CBLB: variants seen among roughly 807,000 people sequenced by gnomAD.
CBLB encodes E3 ubiquitin-protein ligase CBL-B.
In CBLB, 31 loss-of-function variants were observed where a neutral mutation model predicts 104.9. That is an observed-to-expected ratio of 0.30 (90% CI 0.22 to 0.40). The LOEUF (loss-of-function observed/expected upper bound fraction) is 0.40, where lower values mean the gene tolerates loss of function less well. CBLB is among the 10% of genes least tolerant of loss of function. The probability of loss-of-function intolerance (pLI) is 1.00; values close to 1 mark genes in which losing one functional copy is unlikely to be tolerated. For synonymous variants in CBLB, 440 were observed against 422.6 expected, an observed-to-expected ratio of 1.04 and a Z score of -0.51; for missense variants, 1,062 against 1,214.6, an observed-to-expected ratio of 0.87 and a Z score of 1.87.
rs949632102 is a variant in CBLB at position 105,768,518 on chromosome 3, G to A, written c.566+7878C>T. ...TAAATGTCTACAATGTATATGGTAC[G>A]TAAAAGACTCATTCAACAACCATTT... On this transcript the variant is annotated intron_variant, in intron 4 of 18. Coordinates refer to ENST00000394030, the MANE Select transcript of CBLB (RefSeq NM_170662.5). 7.9e-5 allele frequency among the ~76,000 whole-genome samples: 12 copies of A among 152,252 alleles called. No homozygotes were observed. The South Asian group carries it at 8.3e-4, about 11-fold the overall frequency.
intron 5 of CBLB, among the ~76,000 whole-genome samples, chr3:105,747,641 A>G (rs565113416): frequency 2.6e-4 from 40 of 152,342 alleles, no homozygotes; most frequent in African/African-American, 9.1e-4. Flanking sequence ...TGCATTAAAC[A>G]TTACTTGGAA....
chr3:105,655,852 G>A lies in CBLB; in HGVS notation c.*3118C>T, dbSNP rs1169717710. On this transcript the variant is annotated 3_prime_UTR_variant, in exon 19 of 19. Coordinates refer to ENST00000394030, the MANE Select transcript of CBLB (RefSeq NM_170662.5). ...AAATCTGAGAGAAAAAATAACGTTCGAACTGTAGGAAATGCTTCTGGAACT... is the reference window on the plus strand; with the variant it reads ...AAATCTGAGAGAAAAAATAACGTTCAAACTGTAGGAAATGCTTCTGGAACT... The A allele has an allele frequency of 9.1e-6, 2 of 220,664 alleles. No individual in the cohort carries two copies. Among genetic ancestry groups the A allele is most frequent in the East Asian group, 6.6e-5 (1 of 15,038 alleles). The allele number at this position is 220,664 out of a possible 1,614,324, so 13.7% of individuals were successfully genotyped here.
chr3:105,733,913 A>T, intron 9 of CBLB, 96 bp downstream of exon 9: 1 of 1,127,074 alleles, frequency 8.9e-7, no homozygotes, highest in South Asian at 1.3e-5. Flanking sequence ...CAAACAAAGC[A>T]CTTACCAGCA....
rs72997644 is a variant in CBLB at position 105,833,242 on chromosome 3, T to C, written c.419+20172A>G. On this transcript the variant is annotated intron_variant, in intron 3 of 18. Coordinates refer to ENST00000394030, the MANE Select transcript of CBLB (RefSeq NM_170662.5). Reference sequence around the variant, plus strand: ...TCCATTCATTCTGATCATATAATCTTGAATAATGAGAATGAATTTGAAGAC... The same window carrying C: ...TCCATTCATTCTGATCATATAATCTCGAATAATGAGAATGAATTTGAAGAC... 6.0e-3 allele frequency among the ~76,000 whole-genome samples: 920 copies of C among 152,344 alleles called. 11 individuals carry two copies. Among genetic ancestry groups the C allele is most frequent in the African/African-American group, 0.021 (878 of 41,574 alleles).
rs139563131 is a variant in CBLB at position 105,668,793 on chromosome 3, G to A, written c.2689+1440C>T. 3.9e-3 allele frequency among the ~76,000 whole-genome samples: 599 copies of A among 152,156 alleles called. 6 individuals are homozygous for A. The highest frequency in any genetic ancestry group is 0.014 in the African/African-American group (577 of 41,516). On this transcript the variant is annotated intron_variant, in intron 18 of 18. Coordinates refer to ENST00000394030, the MANE Select transcript of CBLB (RefSeq NM_170662.5). ...TTCTGCATCTCCCATGCATGGCATC[G>A]AGCACGTAAGAACTACCGTACTGAC...
At chr3:105,849,954 A>C (rs1311149763) in intron 3 of CBLB, among the ~76,000 whole-genome samples, 3 of 152,164 alleles carry the variant, frequency 2.0e-5, no homozygotes, top group Admixed American at 2.0e-4. Context: ...CTTCTTGAAA[A>C]GTGTACAAGA....
rs561657707 is a variant in CBLB at position 105,721,559 on chromosome 3, T to C, written c.1204-1309A>G. Reference sequence around the variant, plus strand: ...ATATTCTTATTCATCTGCTTGTACATAATTTGGAAAAGAAACTTGGAATGG... The same window carrying C: ...ATATTCTTATTCATCTGCTTGTACACAATTTGGAAAAGAAACTTGGAATGG... On this transcript the variant is annotated intron_variant, in intron 9 of 18. Transcript: ENST00000394030. Among the ~76,000 whole-genome samples, 5 of 152,208 alleles carry C rather than the reference T, an allele frequency of 3.3e-5. No individual in the cohort carries two copies. The East Asian group carries it at 7.7e-4, about 24-fold the overall frequency.
chr3:105,725,962 G>C (rs1301807259), intron 9 of CBLB, among the ~76,000 whole-genome samples: 1 of 151,816 alleles, frequency 6.6e-6, no homozygotes, highest in East Asian at 1.9e-4. Context: ...CCATTCACCT[G>C]TGCCTCAGCC....
chr3:105,748,694 G>GT (rs1298762533), intron 5 of CBLB, among the ~76,000 whole-genome samples: 1 of 152,192 alleles, frequency 6.6e-6, no homozygotes, highest in African/African-American at 2.4e-5. Flanking sequence ...GGTGACCACA[G>GT]TAAGATCCCT....
chr3:105,671,971 A>T (rs2065103823), intron 17 of CBLB: 1 of 191,824 alleles, frequency 5.2e-6, no homozygotes, highest in African/African-American at 2.3e-5. Flanking sequence ...CAAAGGAAAC[A>T]AATATGGTGA....
At chr3:105,801,324 T>C (rs1011457898) in intron 3 of CBLB, among the ~76,000 whole-genome samples, 1 of 152,220 alleles carries the variant, frequency 6.6e-6, no homozygotes, top group Admixed American at 6.5e-5. Context: ...ACCCTACTTA[T>C]AAAAGTGGTA....
chr3:105,780,407 T>C (rs2080050264), intron 3 of CBLB, among the ~76,000 whole-genome samples: 1 of 152,108 alleles, frequency 6.6e-6, no homozygotes, highest in Admixed American at 6.5e-5. Context: ...AATATATTTC[T>C]GCCACTAAAA....
intron 10 of CBLB, among the ~76,000 whole-genome samples, chr3:105,715,322 T>A (rs1020327): frequency 0.99 from 150,268 of 152,354 alleles, 74,144 homozygotes; most frequent in East Asian, 1. Flanking sequence ...TTCTAGTTAG[T>A]ATCACAAAAT....
At chr3:105,725,332 T>C (rs1231592297) in intron 9 of CBLB, among the ~76,000 whole-genome samples, 1 of 152,210 alleles carries the variant, frequency 6.6e-6, no homozygotes, top group Non-Finnish European at 1.5e-5. Context: ...GAGCTGGTCA[T>C]TTAGAATGAG....
chr3:105,739,216 T>C (rs1033679810), intron 7 of CBLB, among the ~76,000 whole-genome samples: 2 of 152,180 alleles, frequency 1.3e-5, no homozygotes, highest in Non-Finnish European at 2.9e-5. Context: ...ACCCAAAAGC[T>C]CATAGGTTTT....
intron 3 of CBLB, among the ~76,000 whole-genome samples, chr3:105,834,647 C>A (rs1238361306): frequency 1.7e-5 from 2 of 116,730 alleles, no homozygotes; most frequent in Non-Finnish European, 3.7e-5. Flanking sequence ...CAGAGCAAAA[C>A]TCCATCTCAA....
chr3:105,826,760 C>T (rs937577118), intron 3 of CBLB, among the ~76,000 whole-genome samples: 3 of 152,172 alleles, frequency 2.0e-5, no homozygotes, highest in South Asian at 2.1e-4. Flanking sequence ...GATGCAAATG[C>T]ACCCAGAAAA....
At chr3:105,763,945 CA>C (rs1342139397) in intron 4 of CBLB, among the ~76,000 whole-genome samples, 1 of 152,164 alleles carries the variant, frequency 6.6e-6, no homozygotes, top group South Asian at 2.1e-4. Context: ...CTAAAAGATG[CA>C]AAGAGGGCCA....
chr3:105,748,296 T>G (rs1036573662), intron 5 of CBLB, among the ~76,000 whole-genome samples: 2 of 152,218 alleles, frequency 1.3e-5, no homozygotes, highest in Non-Finnish European at 2.9e-5. Flanking sequence ...CAACTTAAGT[T>G]GGAAGAGGGT....
Sources: gnomAD v4.1 joint callset for allele counts (sites outside exome capture counted in the v4.1 genomes callset) on GRCh38, gnomAD v4.1.1 for gene constraint, MANE v1.5 for transcripts, NCBI Gene and HGNC (gene_info 2026-07-23, HGNC 2026-07-21) for gene names.